The following DYNC2H1 variants were observed in gnomAD, a reference collection of about 807,000 sequenced individuals.
DYNC2H1 encodes dynein cytoplasmic 2 heavy chain 1, also known as cytoplasmic dynein 2 heavy chain 1.
DYNC2H1 carries 410 observed loss-of-function variants against 570.0 expected under a neutral mutation model. The ratio of observed to expected loss-of-function variants is 0.72; its 90% CI spans 0.66 to 0.78. DYNC2H1 has a LOEUF of 0.78. Among genes scored for constraint, DYNC2H1 ranks in the 30% least tolerant of loss-of-function variants. The pLI is 0.00. For missense variants in DYNC2H1, 4,865 were observed against 5,046.4 expected, an observed-to-expected ratio of 0.96 and a Z score of 1.09; for synonymous variants, 1,688 against 1,677.6, an observed-to-expected ratio of 1.01 and a Z score of -0.15.
At chr11:103,347,260 C>T (rs942544791) in intron 82 of DYNC2H1, among the ~76,000 whole-genome samples, 3 of 152,078 alleles carry the variant, frequency 2.0e-5, no homozygotes, top group Admixed American at 6.6e-5. Flanking sequence ...ATTAATAAGA[C>T]TTATAATACA....
chr11:103,332,163 A>G (rs1003956909), intron 82 of DYNC2H1, among the ~76,000 whole-genome samples: 1 of 151,646 alleles, frequency 6.6e-6, no homozygotes, highest in African/African-American at 2.4e-5. Context: ...TAATAAAATG[A>G]AAGTGCTAGA....
chr11:103,171,069 G>A lies in DYNC2H1; in HGVS notation c.5334+1G>A. ...TGTATGTGAACTGCTTGGCAAGGAG[G>A]TATAGAATATGTTGGGAATTTAAAG... On this transcript the variant is annotated splice_donor_variant, in intron 34 of 88. Transcript: ENST00000375735. LOFTEE classifies it high-confidence loss of function. 1 of 1,572,332 alleles carries A rather than the reference G, an allele frequency of 6.4e-7. No individual in the cohort carries two copies. The highest frequency in any genetic ancestry group is 1.2e-5 in the South Asian group (1 of 83,976).
At chr11:103,455,522 A>G (rs1591783677) in intron 86 of DYNC2H1, among the ~76,000 whole-genome samples, 1 of 152,314 alleles carries the variant, frequency 6.6e-6, no homozygotes, top group East Asian at 1.9e-4. Flanking sequence ...ATAAAATGTA[A>G]CTTTTATAAT....
intron 59 of DYNC2H1, among the ~76,000 whole-genome samples, chr11:103,229,204 C>G (rs931782872): frequency 6.6e-6 from 1 of 152,180 alleles, no homozygotes; most frequent in African/African-American, 2.4e-5. Context: ...TTTGGTATCT[C>G]AGGGAGCCTG....
rs777121637 is a variant in DYNC2H1 at position 103,185,068 on chromosome 11, G to A, written c.6633+17G>A. ...ACCAAAGAGGTAATGCATATTTATA[G>A]CCTATATTTAGTCAAAACTTTAACT... On this transcript the variant is annotated intron_variant, in intron 41 of 88. Coordinates refer to ENST00000375735, the MANE Select transcript of DYNC2H1 (RefSeq NM_001377.3). This position sits in a 1 kb window ranked among gnomAD's most constrained non-coding sequence, Gnocchi z 4.5. 1.3e-6 allele frequency: 2 copies of A among 1,597,836 alleles called. No individual in the cohort carries two copies. Among genetic ancestry groups the A allele is most frequent in the South Asian group, 2.3e-5 (2 of 88,854 alleles).
chr11:103,368,074 C>A (rs746828637), intron 83 of DYNC2H1, among the ~76,000 whole-genome samples: 1 of 152,126 alleles, frequency 6.6e-6, no homozygotes, highest in Middle Eastern at 3.4e-3. Flanking sequence ...CTACAGTAAA[C>A]GTGGGAGTTC....
chr11:103,459,308 C>CAAAAA (rs33941099), intron 87 of DYNC2H1, among the ~76,000 whole-genome samples: 2 of 52,434 alleles, frequency 3.8e-5, no homozygotes, highest in Non-Finnish European at 3.4e-5. Flanking sequence ...GACTCCGTCT[C>CAAAAA]AAAAAAAAAA....
chr11:103,343,923 A>G (rs149399904), intron 82 of DYNC2H1, among the ~76,000 whole-genome samples: 19 of 152,306 alleles, frequency 1.2e-4, no homozygotes, highest in African/African-American at 4.6e-4. Context: ...ATTTAAGACT[A>G]TACACTTCAA....
intron 88 of DYNC2H1, among the ~76,000 whole-genome samples, chr11:103,476,672 T>C (rs1016768465): frequency 5.3e-5 from 8 of 152,096 alleles, no homozygotes; most frequent in Non-Finnish European, 1.5e-5. Context: ...GAATGAATAA[T>C]TTTTTGGGGG....
intron 83 of DYNC2H1, among the ~76,000 whole-genome samples, chr11:103,379,242 A>G (rs901165116): frequency 1.3e-5 from 2 of 152,128 alleles, no homozygotes; most frequent in African/African-American, 4.8e-5. Flanking sequence ...GTGCCCCAAC[A>G]CTTTCTTTCT....
chr11:103,357,312 G>T (rs1940397446), intron 82 of DYNC2H1, among the ~76,000 whole-genome samples: 1 of 152,132 alleles, frequency 6.6e-6, no homozygotes, highest in Non-Finnish European at 1.5e-5. Context: ...AGAAGTGAAA[G>T]CCCTAAATAG....
At position 103,304,768 on chromosome 11, in the gene DYNC2H1, C is replaced by T. The variant is rs3758862; in HGVS notation, c.11382+48C>T. 235,956 of 1,553,256 alleles carry T rather than the reference C, an allele frequency of 0.15. 19,842 individuals are homozygous for T. Among genetic ancestry groups the T allele is most frequent in the Admixed American group, 0.3 (16,548 of 55,782 alleles). On this transcript the variant is annotated intron_variant, in intron 77 of 88. Coordinates refer to ENST00000375735, the MANE Select transcript of DYNC2H1 (RefSeq NM_001377.3). ...ATAATATCTATTATACTCAACTTAG[C>T]AATCTCCAAGGGACATCAGTATTAA...
At position 103,239,738 on chromosome 11, in the gene DYNC2H1, C is replaced by G. The variant is rs187311526; in HGVS notation, c.9819+3199C>G. 2.4e-3 allele frequency among the ~76,000 whole-genome samples: 370 copies of G among 151,552 alleles called. 1 individual carries two copies. The highest frequency in any genetic ancestry group is 8.1e-3 in the African/African-American group (336 of 41,272). ...TCTCCTTAGTGAATCAAGAGTTAGGCTTTAGTTTTATTTATAAAATGTTTT... is the reference window on the plus strand; with the variant it reads ...TCTCCTTAGTGAATCAAGAGTTAGGGTTTAGTTTTATTTATAAAATGTTTT... On this transcript the variant is annotated intron_variant, in intron 63 of 88. Coordinates refer to ENST00000375735, the MANE Select transcript of DYNC2H1 (RefSeq NM_001377.3). The surrounding 1 kb of genome is among the most constrained non-coding windows in gnomAD (Gnocchi z 4.3).
intron 31 of DYNC2H1, among the ~76,000 whole-genome samples, chr11:103,167,363 G>T (rs755627936): frequency 2.0e-5 from 3 of 151,718 alleles, no homozygotes; most frequent in Non-Finnish European, 4.4e-5. Context: ...GACCTCCTGA[G>T]CTCAAGCAAT....
chr11:103,146,273 A>G (rs1448643553), intron 18 of DYNC2H1, among the ~76,000 whole-genome samples: 1 of 152,222 alleles, frequency 6.6e-6, no homozygotes, highest in African/African-American at 2.4e-5. Context: ...AGAAAGGCAA[A>G]TAGCTTTCCG....
chr11:103,233,876 G>A (rs1864117782), intron 60 of DYNC2H1, among the ~76,000 whole-genome samples, 158 bp from the exon 61 acceptor site: 1 of 54,162 alleles, frequency 1.8e-5, no homozygotes, highest in African/African-American at 6.8e-5. Context: ...GTGTGTGTGT[G>A]TGGGTTTGTC....
intron 87 of DYNC2H1, among the ~76,000 whole-genome samples, chr11:103,458,082 C>T (rs1944858982): frequency 6.6e-6 from 1 of 152,142 alleles, no homozygotes; most frequent in Admixed American, 6.6e-5. Flanking sequence ...TGTCCTAGGC[C>T]TTCACATCAT....
At chr11:103,317,660 A>G (rs977737936) in intron 80 of DYNC2H1, among the ~76,000 whole-genome samples, 1 of 152,164 alleles carries the variant, frequency 6.6e-6, no homozygotes, top group African/African-American at 2.4e-5. Flanking sequence ...TGAAGGTTTT[A>G]ATAGGTGTTC....
chr11:103,125,361 A>G, intron 12 of DYNC2H1, 66 bp downstream of exon 12: 2 of 1,173,648 alleles, frequency 1.7e-6, no homozygotes, highest in Non-Finnish European at 2.3e-6. Flanking sequence ...AGAATATGCT[A>G]AAGGCTTTTT....
Sources: allele counts gnomAD v4.1 joint callset (sites outside exome capture counted in the v4.1 genomes callset), GRCh38; gene constraint gnomAD v4.1.1; non-coding constraint Gnocchi (gnomAD v3.1); transcripts MANE v1.5; gene names NCBI Gene and HGNC (gene_info 2026-07-23, HGNC 2026-07-21).